Variants in TMEM132D observed in about 807,000 individuals in gnomAD.
TMEM132D encodes transmembrane protein 132D, also known as mature OL transmembrane protein.
In TMEM132D, 21 loss-of-function variants were observed where a neutral mutation model predicts 62.3. The observed-to-expected ratio is 0.34, with a 90% CI of 0.24 to 0.49. The LOEUF (loss-of-function observed/expected upper bound fraction) is 0.49, where lower values mean the gene tolerates loss of function less well. Among genes scored for constraint, TMEM132D ranks in the 20% least tolerant of loss-of-function variants. TMEM132D has a pLI of 0.99. For synonymous variants in TMEM132D, 621 were observed against 575.6 expected (o/e 1.08, Z -1.13); for missense variants, 1,346 against 1,402.8 (o/e 0.96, Z 0.65).
In TMEM132D at chr12:129,337,495, C is replaced by G. The variant is rs1593342253; in HGVS notation, c.1299+139G>C. 1.2e-4 allele frequency: 109 copies of G among 901,120 alleles called. 1 individual carries two copies. The East Asian group carries it at 2.8e-3, about 23-fold the overall frequency. The allele number at this position is 901,120 out of a possible 1,614,324, so 55.8% of individuals were successfully genotyped here. A position where few individuals can be genotyped will look rare whatever the true frequency, so the allele number is the denominator to read the frequency against. On this transcript the variant is annotated intron_variant, in intron 4 of 8. Transcript: ENST00000422113. The stretch of plus-strand genomic sequence containing the variant: ...CACATAACGATTGGCTATTGGCAGT[C>G]AACTTTGTGGTTTCGTTTCTCACTG...
At chr12:129,285,832 T>C (rs1373173790) in intron 4 of TMEM132D, among the ~76,000 whole-genome samples, 4 of 152,110 alleles carry the variant, frequency 2.6e-5, no homozygotes, top group Non-Finnish European at 5.9e-5. Flanking sequence ...CCCAGTAGTT[T>C]CTCCATTCCA....
chr12:129,608,308 A>C (rs1002017773), intron 2 of TMEM132D, among the ~76,000 whole-genome samples: 16 of 152,186 alleles, frequency 1.1e-4, no homozygotes, highest in Admixed American at 8.5e-4. Flanking sequence ...CCAGACTAGG[A>C]GACAGACACT....
rs143151650 is a variant in TMEM132D at position 129,734,451 on chromosome 12, T to A, written c.80-33753A>T. Among the ~76,000 whole-genome samples, 749 of 152,334 alleles carry A rather than the reference T, an allele frequency of 4.9e-3. 6 individuals carry two copies. Among genetic ancestry groups the A allele is most frequent in the Middle Eastern group, 0.017 (5 of 294 alleles). ...GTTTTTCTCTAAACTTCTATAGCAA[T>A]TATTCTTTGTTCAGTACATTGTGGA... On this transcript the variant is annotated intron_variant, in intron 1 of 8. Coordinates refer to ENST00000422113, the MANE Select transcript of TMEM132D (RefSeq NM_133448.3).
chr12:129,380,154 A>T lies in TMEM132D; in HGVS notation c.1116-42337T>A, dbSNP rs545781845. ...GATGGCATTTTAGATTCAATAGAAT[A>T]TGGTAATAACAACATCCATTTACAT... is the stretch of plus-strand genomic sequence containing the variant. On this transcript the variant is annotated intron_variant, in intron 3 of 8. Coordinates refer to ENST00000422113, the MANE Select transcript of TMEM132D (RefSeq NM_133448.3). Among the ~76,000 whole-genome samples the T allele has an allele frequency of 3.3e-5, 5 of 152,348 alleles. No individual in the cohort carries two copies. The East Asian group carries it at 9.6e-4, about 29-fold the overall frequency.
intron 1 of TMEM132D, among the ~76,000 whole-genome samples, chr12:129,813,935 A>C (rs191713948): frequency 3.3e-5 from 5 of 152,318 alleles, no homozygotes; most frequent in Non-Finnish European, 5.9e-5. Flanking sequence ...ATTCCATTTT[A>C]ATATTCAATA....
At chr12:129,173,861 G>A (rs1273692118) in intron 5 of TMEM132D, among the ~76,000 whole-genome samples, 14 of 152,064 alleles carry the variant, frequency 9.2e-5, no homozygotes, top group South Asian at 2.1e-4. Flanking sequence ...TTAACAATCC[G>A]CATGTGCTGA....
chr12:129,302,546 C>T (rs1881746164), intron 4 of TMEM132D, among the ~76,000 whole-genome samples: 1 of 152,234 alleles, frequency 6.6e-6, no homozygotes, highest in African/African-American at 2.4e-5. Flanking sequence ...TGCTGTACTG[C>T]AGGCTGGAGT....
At chr12:129,087,535 G>T (rs554224156) in intron 5 of TMEM132D, among the ~76,000 whole-genome samples, 6 of 151,584 alleles carry the variant, frequency 4.0e-5, no homozygotes, top group Admixed American at 1.3e-4. Context: ...ACTGCAGCGG[G>T]AGAAGAAGGT....
chr12:129,425,900 A>G (rs1872483929), intron 3 of TMEM132D, among the ~76,000 whole-genome samples: 4 of 152,240 alleles, frequency 2.6e-5, no homozygotes, highest in Admixed American at 2.6e-4. Context: ...ACGAGCCAAC[A>G]TGGAAAGAAA....
intron 1 of TMEM132D, among the ~76,000 whole-genome samples, chr12:129,769,978 C>T (rs76858270): frequency 0.039 from 5,940 of 151,648 alleles, 269 homozygotes; most frequent in East Asian, 0.15. Context: ...ACCCGACGAA[C>T]GTTCTTTTAT....
intron 2 of TMEM132D, among the ~76,000 whole-genome samples, chr12:129,653,521 A>T (rs1879986028): frequency 6.6e-6 from 1 of 152,218 alleles, no homozygotes; most frequent in Non-Finnish European, 1.5e-5. Context: ...TCTGGATAAG[A>T]TAATTCGTAT....
chr12:129,181,813 T>C (rs1231921163), intron 5 of TMEM132D, among the ~76,000 whole-genome samples: 1 of 152,246 alleles, frequency 6.6e-6, no homozygotes, highest in Non-Finnish European at 1.5e-5. Flanking sequence ...TCTTCCTCTA[T>C]GTAGAAGTGA....
At chr12:129,307,843 C>A (rs1157013506) in intron 4 of TMEM132D, among the ~76,000 whole-genome samples, 1 of 152,186 alleles carries the variant, frequency 6.6e-6, no homozygotes, top group Non-Finnish European at 1.5e-5. Context: ...GCAGTCTCTG[C>A]TCACAAATGA....
At chr12:129,532,030 T>G (rs1876241249) in intron 2 of TMEM132D, among the ~76,000 whole-genome samples, 2 of 152,090 alleles carry the variant, frequency 1.3e-5, no homozygotes, top group Non-Finnish European at 2.9e-5. Context: ...CACTCCAGTT[T>G]GGGTGACAAA....
intron 3 of TMEM132D, among the ~76,000 whole-genome samples, chr12:129,503,738 G>A (rs1028448280): frequency 6.6e-6 from 1 of 152,078 alleles, no homozygotes; most frequent in Non-Finnish European, 1.5e-5. Context: ...AACAAGATGG[G>A]AGACAAGCAA....
chr12:129,162,409 C>T (rs1030280703), intron 5 of TMEM132D, among the ~76,000 whole-genome samples: 6 of 152,176 alleles, frequency 3.9e-5, no homozygotes, highest in Non-Finnish European at 2.9e-5. Context: ...GCCACCCAGT[C>T]TATGGTATTT....
chr12:129,759,972 C>A (rs1353034083), intron 1 of TMEM132D, among the ~76,000 whole-genome samples: 6 of 151,974 alleles, frequency 3.9e-5, no homozygotes, highest in Non-Finnish European at 8.8e-5. Flanking sequence ...GTGGTGCAAT[C>A]ATAGCTCACT....
At chr12:129,513,421 A>AT (rs958336695) in intron 3 of TMEM132D, among the ~76,000 whole-genome samples, 20 of 151,672 alleles carry the variant, frequency 1.3e-4, no homozygotes, top group East Asian at 7.8e-4. Flanking sequence ...ATGGGGACCA[A>AT]TTTTTTTTTA....
At chr12:129,309,941 G>A (rs1881933211) in intron 4 of TMEM132D, among the ~76,000 whole-genome samples, 1 of 152,160 alleles carries the variant, frequency 6.6e-6, no homozygotes, top group Non-Finnish European at 1.5e-5. Context: ...TGAGCTGGAA[G>A]GGCCCGGTGT....
Sources: allele counts gnomAD v4.1 joint callset (sites outside exome capture counted in the v4.1 genomes callset), GRCh38; gene constraint gnomAD v4.1.1; transcripts MANE v1.5; gene names NCBI Gene and HGNC (gene_info 2026-07-23, HGNC 2026-07-21).